The following MMP26 variants were observed in gnomAD, a reference collection of about 807,000 sequenced individuals.
MMP26 encodes matrix metalloproteinase-26.
In MMP26, 33 loss-of-function variants were observed where a neutral mutation model predicts 31.0. The observed-to-expected ratio is 1.06, with a 90% CI of 0.81 to 1.42. The LOEUF (loss-of-function observed/expected upper bound fraction) is 1.42. Among genes scored for constraint, MMP26 ranks in the 40% most tolerant of loss-of-function variants. MMP26 has a pLI of 0.00. For missense variants in MMP26, 347 were observed against 316.1 expected (o/e 1.10, Z -0.74); for synonymous variants, 122 against 114.9 (o/e 1.06, Z -0.40).
In MMP26 at chr11:4,924,320, C is replaced by T. The variant is rs1374502939; in HGVS notation, c.-144-63748C>T. Reference sequence around the variant, plus strand: ...GAAGAAAGTGGCTCTTTGGAGGCTGCTATTAAGAAGAATTGTCATAGCTTT... The same window carrying T: ...GAAGAAAGTGGCTCTTTGGAGGCTGTTATTAAGAAGAATTGTCATAGCTTT... On this transcript the variant is annotated intron_variant, in intron 2 of 7. Coordinates refer to ENST00000380390, the MANE Select transcript of MMP26 (RefSeq NM_021801.5). 4.4e-6 allele frequency: 7 copies of T among 1,608,274 alleles called. No individual in the cohort carries two copies. In the South Asian group the frequency reaches 5.6e-5, roughly 13 times the overall value.
In MMP26 at chr11:4,976,645, C is replaced by A. The variant is rs78076662; in HGVS notation, c.-144-11423C>A. 7.2e-3 allele frequency among the ~76,000 whole-genome samples: 1,092 copies of A among 151,994 alleles called. 28 individuals carry two copies. Among genetic ancestry groups the A allele is most frequent in the African/African-American group, 0.025 (1,036 of 41,392 alleles). The stretch of plus-strand genomic sequence containing the variant: ...GGTGCCTTTTTAGTGGAACAAAGGC[C>A]TCTGAGGATGACACCTCAGGAAGCA... On this transcript the variant is annotated intron_variant, in intron 2 of 7. Transcript: ENST00000380390.
chr11:4,727,984 C>T (rs1008650034), intron 1 of MMP26, among the ~76,000 whole-genome samples: 1 of 152,156 alleles, frequency 6.6e-6, no homozygotes, highest in East Asian at 1.9e-4. Flanking sequence ...TACTCATGAT[C>T]AGTTATTGGG....
At chr11:4,755,131 T>G (rs1848490551) in intron 1 of MMP26, among the ~76,000 whole-genome samples, 1 of 151,964 alleles carries the variant, frequency 6.6e-6, no homozygotes, top group Non-Finnish European at 1.5e-5. Context: ...GCTATCAGTT[T>G]TTTCTAAGAT....
At chr11:4,776,937 T>C (rs889149835) in intron 2 of MMP26, among the ~76,000 whole-genome samples, 1 of 152,130 alleles carries the variant, frequency 6.6e-6, no homozygotes, top group Non-Finnish European at 1.5e-5. Context: ...CAATTAGTGA[T>C]GTTGAGGAGT....
chr11:4,833,506 G>C (rs1849673721), intron 2 of MMP26, among the ~76,000 whole-genome samples: 1 of 152,102 alleles, frequency 6.6e-6, no homozygotes, highest in African/African-American at 2.4e-5. Flanking sequence ...TCTTTATAAA[G>C]TGTCTGAGTT....
chr11:4,823,145 C>A (rs1849533820), intron 2 of MMP26, among the ~76,000 whole-genome samples: 1 of 151,050 alleles, frequency 6.6e-6, no homozygotes, highest in Non-Finnish European at 1.5e-5. Context: ...CAAAGGCTGG[C>A]TGATATCAAC....
At chr11:4,774,976 C>T (rs1848771788) in intron 2 of MMP26, among the ~76,000 whole-genome samples, 1 of 152,026 alleles carries the variant, frequency 6.6e-6, no homozygotes, top group African/African-American at 2.4e-5. Context: ...TATTCTGATC[C>T]ATTGGTCTAT....
At chr11:4,897,476 T>C (rs900194662) in intron 2 of MMP26, among the ~76,000 whole-genome samples, 2 of 152,204 alleles carry the variant, frequency 1.3e-5, no homozygotes, top group South Asian at 2.1e-4. Flanking sequence ...TATTTTGTAA[T>C]TGGGGTCATA....
chr11:4,962,517 A>G (rs1211827773), intron 2 of MMP26, among the ~76,000 whole-genome samples: 1 of 152,188 alleles, frequency 6.6e-6, no homozygotes, highest in East Asian at 1.9e-4. Context: ...GCTTTCTCAC[A>G]GATGCCCATT....
At chr11:4,867,218 A>C (rs1193760988) in intron 2 of MMP26, among the ~76,000 whole-genome samples, 1 of 152,118 alleles carries the variant, frequency 6.6e-6, no homozygotes, top group African/African-American at 2.4e-5. Context: ...ATCTAGAAGG[A>C]ACTTAAACAA....
chr11:4,782,560 C>T (rs1374039406), intron 2 of MMP26, among the ~76,000 whole-genome samples: 1 of 152,182 alleles, frequency 6.6e-6, no homozygotes, highest in Non-Finnish European at 1.5e-5. Flanking sequence ...GAAAGAAATT[C>T]TCATTTTCTG....
chr11:4,821,401 C>G, intron 2 of MMP26: 3 of 1,613,318 alleles, frequency 1.9e-6, no homozygotes, highest in Non-Finnish European at 2.5e-6. Flanking sequence ...TGAAACATCC[C>G]TGTCTTCTCA....
intron 2 of MMP26, among the ~76,000 whole-genome samples, chr11:4,864,325 C>T (rs770003596): frequency 7.9e-5 from 12 of 152,166 alleles, no homozygotes; most frequent in African/African-American, 2.2e-4. Flanking sequence ...GCTGGTTACT[C>T]GAGCCTGTGC....
At chr11:4,859,774 A>G (rs971204775) in intron 2 of MMP26, 13 of 471,296 alleles carry the variant, frequency 2.8e-5, no homozygotes, top group African/African-American at 2.6e-4. Flanking sequence ...AAATCTGTGG[A>G]TCATGGAGGC....
At chr11:4,718,555 A>T (rs1847967341) in intron 1 of MMP26, 1 of 152,974 alleles carries the variant, frequency 6.5e-6, no homozygotes, top group South Asian at 2.1e-4. Flanking sequence ...CATAATAAAC[A>T]AATACAGTTT....
At chr11:4,944,309 C>T (rs1209415123) in intron 2 of MMP26, 3 of 174,498 alleles carry the variant, frequency 1.7e-5, no homozygotes, top group African/African-American at 4.8e-5. Context: ...CTTTTGACTT[C>T]CTCTCTGTGT....
chr11:4,722,771 C>T, intron 1 of MMP26: 2 of 998,432 alleles, frequency 2.0e-6, no homozygotes, highest in African/African-American at 1.6e-5. Flanking sequence ...CGGACACCAG[C>T]TTCCCTTCGT....
intron 1 of MMP26, among the ~76,000 whole-genome samples, chr11:4,758,117 G>A (rs1411616996): frequency 6.6e-6 from 1 of 152,122 alleles, no homozygotes; most frequent in Non-Finnish European, 1.5e-5. Context: ...TCCATCAGTT[G>A]ATTAACTGGT....
chr11:4,843,513 T>A (rs1054361123), intron 2 of MMP26, among the ~76,000 whole-genome samples: 1 of 152,254 alleles, frequency 6.6e-6, no homozygotes, highest in Non-Finnish European at 1.5e-5. Flanking sequence ...CCTTGGCTCC[T>A]TTTAGCAATG....
Sources: allele counts gnomAD v4.1 joint callset (sites outside exome capture counted in the v4.1 genomes callset), GRCh38; gene constraint gnomAD v4.1.1; transcripts MANE v1.5; gene names NCBI Gene and HGNC (gene_info 2026-07-23, HGNC 2026-07-21).